Variants in CXXC1 observed in about 807,000 individuals in gnomAD.
CXXC1 encodes the protein CXXC-type zinc finger protein 1.
In CXXC1, 21 loss-of-function variants were observed where a neutral mutation model predicts 83.6. The observed-to-expected ratio is 0.25, with a 90% CI of 0.18 to 0.36. The LOEUF is 0.36. CXXC1 is among the 10% of genes least tolerant of loss of function. CXXC1 has a pLI of 1.00. For synonymous variants in CXXC1, 371 were observed against 337.5 expected (o/e 1.10, Z -1.09); for missense variants, 688 against 919.5 (o/e 0.75, Z 3.26).
rs1214745791 is a variant in CXXC1 at position 50,285,314 on chromosome 18, G to A, written c.666+11C>T. 4 of 1,607,160 alleles carry A rather than the reference G, an allele frequency of 2.5e-6. No individual in the cohort carries two copies. The highest frequency in any genetic ancestry group is 1.3e-5 in the African/African-American group (1 of 74,826). ...CGCATGCCCCACCCCACCCTGGGGG[G>A]CTGGACTCACCGAGGAAGGGAAGTA... is the stretch of plus-strand genomic sequence containing the variant. On this transcript the variant is annotated intron_variant, in intron 6 of 14. Transcript: ENST00000285106. This position sits in a 1 kb window ranked among gnomAD's most constrained non-coding sequence, Gnocchi z 4.4.
At chr18:50,284,965 TCCAC>T in intron 7 of CXXC1, 33 bp downstream of exon 7, 1 of 1,613,420 alleles carries the variant, frequency 6.2e-7, no homozygotes, top group Non-Finnish European at 8.5e-7. Flanking sequence ...TTCTGTAACC[TCCAC>T]CCTTCCACCA....
chr18:50,285,231 G>A lies in CXXC1; in HGVS notation c.683C>T (p.Pro228Leu), dbSNP rs2040694794. 6.2e-7 allele frequency: 1 copy of A among 1,614,126 alleles called. No individual in the cohort carries two copies. The highest frequency in any genetic ancestry group is 8.5e-7 in the Non-Finnish European group (1 of 1,180,002). Residue 228 changes from proline to leucine, a missense_variant, in exon 7 of 15, where the codon CCC becomes CTC. Coordinates refer to ENST00000285106, the MANE Select transcript of CXXC1 (RefSeq NM_014593.4). The surrounding 1 kb of genome is among the most constrained non-coding windows in gnomAD (Gnocchi z 4.4). ...YFPSSLSPVT[P>L]SESLPRPRRP... ...GCGGGGCCTTGGCAGGGACTCTGAGGGCGTCACTGGTGAGAGCTGCAGGGC... is the reference window on the plus strand; with the variant it reads ...GCGGGGCCTTGGCAGGGACTCTGAGAGCGTCACTGGTGAGAGCTGCAGGGC...
chr18:50,282,713 C>T lies in CXXC1; in HGVS notation c.1851G>A (p.Glu617=). Residue 617 remains glutamate, a synonymous_variant, in exon 15 of 15, where the codon GAG becomes GAA. Coordinates refer to ENST00000285106, the MANE Select transcript of CXXC1 (RefSeq NM_014593.4). The surrounding 1 kb of genome is among the most constrained non-coding windows in gnomAD (Gnocchi z 5.8). The part of the protein sequence containing the change: ...RVWYKLDELF[E]QERNVRTAMT... ...TGGCTGTGCGCACATTGCGCTCCTG[C>T]TCAAACAGCTCGTCCAGCTTGTACC... 2 of 1,614,002 alleles carry T rather than the reference C, an allele frequency of 1.2e-6. No individual in the cohort carries two copies. Among genetic ancestry groups the T allele is most frequent in the Non-Finnish European group, 1.7e-6 (2 of 1,180,038 alleles).
rs774760212 is a variant in CXXC1 at position 50,283,951 on chromosome 18, A to G, written c.1356T>C (p.His452=). ...CACGTAGAATGATGGCCTCAAGCTC[A>G]TGGAATCGGCGTTCCATTTCCTGAA... ...TRLQEMERRF[H]ELEAIILRAK... is the part of the protein sequence containing the mutation. The change falls in exon 10 of 15, where the codon CAT becomes CAC. Residue 452 remains histidine (H), a synonymous_variant. Coordinates refer to ENST00000285106, the MANE Select transcript of CXXC1 (RefSeq NM_014593.4). The G allele has an allele frequency of 6.8e-6, 11 of 1,613,842 alleles. No homozygotes were observed. The highest frequency in any genetic ancestry group is 1.3e-5 in the African/African-American group (1 of 74,922).
intron 1 of CXXC1, 66 bp downstream of exon 1, chr18:50,287,521 A>G: frequency 6.3e-7 from 1 of 1,594,878 alleles, no homozygotes; most frequent in Non-Finnish European, 8.6e-7. Context: ...GAGTCGGCCG[A>G]CAGACCCCAC....
Position 50,286,127 on chromosome 18 carries a change from C to G in CXXC1, c.354G>C (p.Leu118=), listed in dbSNP as rs897696343. ...GRKRPVPDPD[L]QRRAGSGTGV... ...CTGTCCCTGACCCTGCCCGGCGCTG[C>G]AGGTCTGGATCAGGGACAGGCCTCT... The change falls in exon 4 of 15, where the codon CTG becomes CTC. Residue 118 remains leucine (L), a synonymous_variant. Coordinates refer to ENST00000285106, the MANE Select transcript of CXXC1 (RefSeq NM_014593.4). 1.2e-6 allele frequency: 2 copies of G among 1,614,002 alleles called. No individual in the cohort carries two copies. The highest frequency in any genetic ancestry group is 2.2e-5 in the South Asian group (2 of 91,082).
intron 13 of CXXC1, 74 bp downstream of exon 13, chr18:50,283,191 G>A: frequency 1.0e-5 from 14 of 1,351,166 alleles, no homozygotes; most frequent in Non-Finnish European, 1.4e-5. Context: ...GTGAGGTGAG[G>A]AAGGAAGGGA....
chr18:50,284,004 G>T lies in CXXC1; in HGVS notation c.1303C>A (p.Arg435=). The T allele has an allele frequency of 1.2e-6, 2 of 1,613,184 alleles. No homozygotes were observed. The highest frequency in any genetic ancestry group is 2.7e-5 in the African/African-American group (2 of 75,036). The change falls in exon 10 of 15, where the codon CGA becomes AGA. Residue 435 remains arginine (R), a synonymous_variant. Coordinates refer to ENST00000285106, the MANE Select transcript of CXXC1 (RefSeq NM_014593.4). ...CGAGTGCGGGCACTCTGCTGCTCTC[G>T]GCGAATGCGTTCGAGCAGCTTCTTG... is the stretch of plus-strand genomic sequence containing the variant. ...HGKKLLERIR[R]EQQSARTRLQ...
intron 1 of CXXC1, 81 bp downstream of exon 1, chr18:50,287,506 C>A (rs1011914125): frequency 2.0e-6 from 3 of 1,537,344 alleles, no homozygotes; most frequent in Admixed American, 1.7e-5. Flanking sequence ...TCACCACAGA[C>A]CCCTGAGTCG....
chr18:50,284,971 C>A, intron 7 of CXXC1, 31 bp downstream of exon 7: 1 of 1,613,722 alleles, frequency 6.2e-7, no homozygotes. Flanking sequence ...AACCTCCACC[C>A]TTCCACCAGT....
Position 50,284,468 on chromosome 18 carries a change from A to C in CXXC1, c.1115T>G (p.Leu372Arg). The stretch of plus-strand genomic sequence containing the variant: ...ACAGCCGGGCCCCAGGCACTGGGGC[A>C]GTGACGCAGGGTCCTTGGCATCAGC... Reference protein sequence around the residue: ...ERADAKDPASLPQCLGPGCVR... With the variant: ...ERADAKDPASRPQCLGPGCVR... Residue 372 changes from leucine (L) to arginine (R), a missense_variant, in exon 9 of 15, where the codon CTG becomes CGG. By Grantham distance (102) the Leu-to-Arg change is moderately radical. This residue lies in a region of CXXC1 where 190 missense variants were observed against 199.7 expected (regional missense o/e 0.95). Transcript: ENST00000285106. 1 of 1,609,068 alleles carries C rather than the reference A, an allele frequency of 6.2e-7. No homozygotes were observed. The highest frequency in any genetic ancestry group is 8.5e-7 in the Non-Finnish European group (1 of 1,177,490).
chr18:50,283,382 G>C, intron 12 of CXXC1, 21 bp from the exon 13 acceptor site: 2 of 1,607,304 alleles, frequency 1.2e-6, no homozygotes, highest in Middle Eastern at 3.3e-4. Flanking sequence ...GGAGTAGAGA[G>C]GGCAGTAGAG....
At chr18:50,284,235 T>C (rs1267298069) in intron 9 of CXXC1, 134 bp from the exon 10 acceptor site, 1 of 1,430,620 alleles carries the variant, frequency 7.0e-7, no homozygotes, top group Non-Finnish European at 9.5e-7. Context: ...CACGGGCAGG[T>C]GGGTGGGTAG....
chr18:50,287,171 T>C (rs2040727972), intron 1 of CXXC1: 1 of 510,540 alleles, frequency 2.0e-6, no homozygotes, highest in Non-Finnish European at 3.6e-6. Flanking sequence ...GGACTTCCCA[T>C]CGCGGTTCTC....
In CXXC1 at chr18:50,286,098, A is replaced by T; in HGVS notation, c.383T>A (p.Val128Asp). The T allele has an allele frequency of 1.2e-6, 2 of 1,613,878 alleles. No individual in the cohort carries two copies. The highest frequency in any genetic ancestry group is 1.7e-6 in the Non-Finnish European group (2 of 1,179,960). The part of the protein sequence containing the change: ...LQRRAGSGTG[V>D]GAMLARGSAS... ...AGAGCCCCGAGCAAGCATGGCCCCAACCCCTGTCCCTGACCCTGCCCGGCG... is the reference window on the plus strand; with the variant it reads ...AGAGCCCCGAGCAAGCATGGCCCCATCCCCTGTCCCTGACCCTGCCCGGCG... The change falls in exon 4 of 15, where the codon GTT becomes GAT. Residue 128 changes from valine (V) to aspartate (D), a missense_variant. Val to Asp is a radical substitution (Grantham distance 152). Transcript: ENST00000285106.
intron 8 of CXXC1, 54 bp from the exon 9 acceptor site, chr18:50,284,616 C>T: frequency 1.3e-6 from 2 of 1,592,252 alleles, no homozygotes; most frequent in South Asian, 2.3e-5. Flanking sequence ...CCCCAGACCC[C>T]AGACCCTTGC....
In CXXC1 at chr18:50,286,910, C is replaced by T. The variant is rs769575072; in HGVS notation, c.4-52G>A. 53 of 1,257,850 alleles carry T rather than the reference C, an allele frequency of 4.2e-5. No individual in the cohort carries two copies. In the East Asian group the frequency reaches 1.2e-3, roughly 29 times the overall value. 77.9% of individuals were successfully genotyped at this position (1,257,850 alleles called of 1,614,324 possible). On this transcript the variant is annotated intron_variant, in intron 1 of 14. Transcript: ENST00000285106. Reference sequence around the variant, plus strand: ...TTAAGCAGCCCCCACCGTGGCGGCTCATCCCCCCATTACAACTCCACCGTG... The same window carrying T: ...TTAAGCAGCCCCCACCGTGGCGGCTTATCCCCCCATTACAACTCCACCGTG...
Position 50,285,399 on chromosome 18 carries a change from G to A in CXXC1, c.640-48C>T. 4 of 1,554,662 alleles carry A rather than the reference G, an allele frequency of 2.6e-6. No homozygotes were observed. Among genetic ancestry groups the A allele is most frequent in the Non-Finnish European group, 3.5e-6 (4 of 1,150,586 alleles). On this transcript the variant is annotated intron_variant, in intron 5 of 14. Transcript: ENST00000285106. This position sits in a 1 kb window ranked among gnomAD's most constrained non-coding sequence, Gnocchi z 4.4. ...CAGGTCAGCCCCAGGTGGATGGAGGGCGGCCTTGCCCTAGCCCTACCCACC... is the reference window on the plus strand; with the variant it reads ...CAGGTCAGCCCCAGGTGGATGGAGGACGGCCTTGCCCTAGCCCTACCCACC...
intron 9 of CXXC1, 35 bp from the exon 10 acceptor site, chr18:50,284,136 G>A: frequency 1.3e-6 from 2 of 1,585,022 alleles, no homozygotes; most frequent in Non-Finnish European, 8.6e-7. Flanking sequence ...GAATGAGTGA[G>A]GTGATCAGTA....
Sources: allele counts gnomAD v4.1 joint callset, GRCh38; gene constraint gnomAD v4.1.1; regional missense constraint gnomAD v4.1.1; non-coding constraint Gnocchi (gnomAD v3.1); transcripts MANE v1.5; gene names NCBI Gene and HGNC (gene_info 2026-07-23, HGNC 2026-07-21).